Variants in ADCK1 observed in about 807,000 individuals in gnomAD.
ADCK1 encodes aarF domain-containing protein kinase 1.
A neutral mutation model predicts 52.3 loss-of-function variants in ADCK1; 41 were observed. The observed-to-expected ratio is 0.78, with a 90% CI of 0.61 to 1.02. The LOEUF (loss-of-function observed/expected upper bound fraction) is 1.02, where lower values mean the gene tolerates loss of function less well. Ranked by LOEUF, ADCK1 falls within the 50% of genes least tolerant of loss-of-function variation. The probability of loss-of-function intolerance (pLI) is 0.00; values close to 1 mark genes in which losing one functional copy is unlikely to be tolerated. For missense variants in ADCK1, 658 were observed against 679.5 expected (o/e 0.97, Z 0.35); for synonymous variants, 250 against 274.6 (o/e 0.91, Z 0.89).
At chr14:77,815,853 T>C (rs975930247) in intron 1 of ADCK1, among the ~76,000 whole-genome samples, 1 of 148,298 alleles carries the variant, frequency 6.7e-6, no homozygotes, top group African/African-American at 2.5e-5. Flanking sequence ...TCTCGTTCTG[T>C]TGCCCAAGCT....
intron 1 of ADCK1, among the ~76,000 whole-genome samples, chr14:77,805,587 A>T (rs1220874201): frequency 6.6e-6 from 1 of 152,134 alleles, no homozygotes; most frequent in Non-Finnish European, 1.5e-5. Context: ...ATGGCTCTTT[A>T]TAGAAAAATA....
At chr14:77,894,243 C>T (rs1292061797) in intron 5 of ADCK1, among the ~76,000 whole-genome samples, 1 of 152,158 alleles carries the variant, frequency 6.6e-6, no homozygotes, top group African/African-American at 2.4e-5. Context: ...CAAAGATAAA[C>T]CCCGTGAATG....
At chr14:77,850,784 G>A (rs898456582) in intron 3 of ADCK1, among the ~76,000 whole-genome samples, 1 of 151,304 alleles carries the variant, frequency 6.6e-6, no homozygotes, top group Non-Finnish European at 1.5e-5. Context: ...CCGAGTAGCT[G>A]GGACTACAGG....
intron 1 of ADCK1, among the ~76,000 whole-genome samples, chr14:77,808,938 G>A (rs2081282642): frequency 6.6e-6 from 1 of 152,106 alleles, no homozygotes. Flanking sequence ...AGTGGAGAGG[G>A]CAGATATAAG....
chr14:77,910,290 C>T (rs2083763021), intron 7 of ADCK1, among the ~76,000 whole-genome samples: 1 of 152,056 alleles, frequency 6.6e-6, no homozygotes, highest in Non-Finnish European at 1.5e-5. Context: ...TTCTATTTTA[C>T]AGATGGGGTG....
At chr14:77,907,720 T>C (rs1309129101) in intron 6 of ADCK1, 83 bp from the exon 7 acceptor site, 2 of 1,017,044 alleles carry the variant, frequency 2.0e-6, no homozygotes, top group East Asian at 2.6e-5. Flanking sequence ...CCTCTGTTGC[T>C]GTCTGGCTCG....
At chr14:77,894,733 C>CTTTTTTT (rs1566710773) in intron 5 of ADCK1, among the ~76,000 whole-genome samples, 2 of 38,400 alleles carry the variant, frequency 5.2e-5, no homozygotes, top group African/African-American at 1.5e-4. Context: ...CTTTTCTTTT[C>CTTTTTTT]TTGTTTTTTT....
In ADCK1 at chr14:77,907,118, TGC is replaced by T. The variant is rs2083683800; in HGVS notation, c.742-684_742-683del. On this transcript the variant is annotated intron_variant, in intron 6 of 10. Coordinates refer to ENST00000238561, the MANE Select transcript of ADCK1 (RefSeq NM_020421.4). Reference sequence around the variant, plus strand: ...CTGTAGAGACAGGGTTTCGCCACGTTGCCCAGGCTGGTCTTGAACTTCTGAGC... The same window carrying T: ...CTGTAGAGACAGGGTTTCGCCACGTTCCAGGCTGGTCTTGAACTTCTGAGC... Among the ~76,000 whole-genome samples the T allele has an allele frequency of 2.0e-5, 3 of 152,208 alleles. No individual in the cohort carries two copies. In the South Asian group the frequency reaches 6.2e-4, roughly 31 times the overall value.
intron 3 of ADCK1, among the ~76,000 whole-genome samples, chr14:77,833,431 A>G (rs1002551971): frequency 2.6e-5 from 4 of 152,044 alleles, no homozygotes; most frequent in Non-Finnish European, 5.9e-5. Context: ...AATCCTTGCT[A>G]TCTTGGTGAC....
chr14:77,826,483 C>T (rs916502253), intron 3 of ADCK1, among the ~76,000 whole-genome samples: 1 of 152,136 alleles, frequency 6.6e-6, no homozygotes, highest in African/African-American at 2.4e-5. Context: ...GAAGTGTGTT[C>T]TAGAGGCATA....
At chr14:77,921,578 T>G (rs1350559884) in intron 7 of ADCK1, among the ~76,000 whole-genome samples, 1 of 152,084 alleles carries the variant, frequency 6.6e-6, no homozygotes, top group African/African-American at 2.4e-5. Context: ...GACAGAACCA[T>G]GCCATTGGCA....
At chr14:77,850,555 A>T (rs2082260809) in intron 3 of ADCK1, among the ~76,000 whole-genome samples, 1 of 150,800 alleles carries the variant, frequency 6.6e-6, no homozygotes, top group African/African-American at 2.4e-5. Context: ...AATTTTCTTT[A>T]TCCCTGATAA....
chr14:77,896,884 A>G (rs998422458), intron 5 of ADCK1, among the ~76,000 whole-genome samples: 1 of 152,226 alleles, frequency 6.6e-6, no homozygotes, highest in Non-Finnish European at 1.5e-5. Context: ...GAGCATGATA[A>G]CACGGTGCGA....
intron 7 of ADCK1, among the ~76,000 whole-genome samples, chr14:77,911,621 G>A (rs894017014): frequency 1.3e-5 from 2 of 152,166 alleles, no homozygotes; most frequent in Non-Finnish European, 2.9e-5. Flanking sequence ...CACAAACAAT[G>A]CTTTGCACAG....
At chr14:77,917,391 G>A (rs531213998) in intron 7 of ADCK1, among the ~76,000 whole-genome samples, 2 of 152,192 alleles carry the variant, frequency 1.3e-5, no homozygotes, top group South Asian at 2.1e-4. Context: ...CACCAACCCC[G>A]TTTCCTTCAG....
intron 6 of ADCK1, among the ~76,000 whole-genome samples, chr14:77,899,914 A>G (rs921068028): frequency 1.1e-4 from 16 of 151,938 alleles, no homozygotes; most frequent in African/African-American, 3.9e-4. Flanking sequence ...TACTAAAAAT[A>G]TAAAAATTAG....
intron 3 of ADCK1, chr14:77,827,854 A>C: frequency 9.6e-6 from 4 of 417,322 alleles, no homozygotes; most frequent in Non-Finnish European, 1.9e-5. Flanking sequence ...TTTGAGCTAG[A>C]GTCTTGCTGT....
intron 3 of ADCK1, among the ~76,000 whole-genome samples, chr14:77,827,350 CAAAA>C (rs772586548): frequency 4.2e-5 from 3 of 72,052 alleles, no homozygotes; most frequent in African/African-American, 9.3e-5. Context: ...GACTCTGTCT[CAAAA>C]AAAAAAAAAA....
chr14:77,848,381 A>G (rs1251378347), intron 3 of ADCK1, among the ~76,000 whole-genome samples: 4 of 152,240 alleles, frequency 2.6e-5, no homozygotes, highest in South Asian at 2.1e-4. Flanking sequence ...CATCCGTGCA[A>G]TGAGGAGAAT....
Sources: gnomAD v4.1 joint callset for allele counts (sites outside exome capture counted in the v4.1 genomes callset) on GRCh38, gnomAD v4.1.1 for gene constraint, MANE v1.5 for transcripts, NCBI Gene and HGNC (gene_info 2026-07-23, HGNC 2026-07-21) for gene names.